SCFD1: variants seen among roughly 807,000 people sequenced by gnomAD.
SCFD1 encodes the protein sec1 family domain containing 1.
Under a neutral mutation model 103.2 loss-of-function variants are expected in SCFD1, and 37 were observed. The observed-to-expected ratio is 0.36, with a 90% CI of 0.28 to 0.47. The LOEUF (loss-of-function observed/expected upper bound fraction) is 0.47, where lower values mean the gene tolerates loss of function less well. Ranked by LOEUF, SCFD1 falls within the 20% of genes least tolerant of loss-of-function variation. The pLI is 1.00. For synonymous variants in SCFD1, 264 were observed against 245.0 expected, an observed-to-expected ratio of 1.08 and a Z score of -0.73; for missense variants, 639 against 761.2, an observed-to-expected ratio of 0.84 and a Z score of 1.89.
At chr14:30,654,583 A>C (rs1412785429) in intron 10 of SCFD1, among the ~76,000 whole-genome samples, 1 of 151,858 alleles carries the variant, frequency 6.6e-6, no homozygotes, top group Non-Finnish European at 1.5e-5. Context: ...CTGAGGCTTG[A>C]GAATTGCTTG....
At chr14:30,649,604 C>A in intron 8 of SCFD1, 21 bp downstream of exon 8, 1 of 1,543,750 alleles carries the variant, frequency 6.5e-7, no homozygotes, top group South Asian at 1.2e-5. Context: ...GCGGATATCA[C>A]GTGGAGATAA....
intron 14 of SCFD1, chr14:30,683,181 A>T: frequency 1.8e-6 from 2 of 1,101,552 alleles, no homozygotes; most frequent in Non-Finnish European, 2.7e-6. Context: ...TAGGCTGGAG[A>T]TGGAGAGTGT....
chr14:30,721,673 C>T (rs184074696), intron 21 of SCFD1: 3 of 537,018 alleles, frequency 5.6e-6, no homozygotes, highest in Non-Finnish European at 9.9e-6. Context: ...CTTTTAGACT[C>T]TGAGATATCT....
At chr14:30,632,823 GTAAC>G (rs1291881414) in intron 3 of SCFD1, among the ~76,000 whole-genome samples, 1 of 152,178 alleles carries the variant, frequency 6.6e-6, no homozygotes, top group African/African-American at 2.4e-5. Context: ...CTCAGTAACA[GTAAC>G]TAACAGAAGT....
chr14:30,712,307 A>G (rs1891938265), intron 19 of SCFD1, among the ~76,000 whole-genome samples: 1 of 152,166 alleles, frequency 6.6e-6, no homozygotes, highest in Non-Finnish European at 1.5e-5. Context: ...AGACAGTAGC[A>G]ATTCTTGTCC....
rs757273189 is a variant in SCFD1 at position 30,638,201 on chromosome 14, T to A, written c.389T>A (p.Ile130Asn). The A allele has an allele frequency of 6.2e-7, 1 of 1,612,980 alleles. No homozygotes were observed. The highest frequency in any genetic ancestry group is 8.5e-7 in the Non-Finnish European group (1 of 1,179,446). Residue 130 changes from isoleucine to asparagine, a missense_variant, in exon 5 of 25, where the codon ATT (isoleucine) becomes AAT (asparagine). By Grantham distance (149) the Ile-to-Asn change is moderately radical. Transcript: ENST00000458591. ...SAISRSKLED[I>N]ANAALAASAV... Reference sequence around the variant, plus strand: ...ATTTCAAGAAGTAAACTGGAAGATATTGCAAATGCAGCGTTAGCAGCTAGT... The same window carrying A: ...ATTTCAAGAAGTAAACTGGAAGATAATGCAAATGCAGCGTTAGCAGCTAGT...
chr14:30,721,763 G>GTGAA, intron 21 of SCFD1, 121 bp from the exon 22 acceptor site: 1 of 814,634 alleles, frequency 1.2e-6, no homozygotes, highest in African/African-American at 1.8e-5. Context: ...CTCTAAGAAG[G>GTGAA]TGAAGGAGGT....
intron 14 of SCFD1, among the ~76,000 whole-genome samples, chr14:30,693,311 TAAAAG>T (rs1256752982): frequency 6.6e-6 from 1 of 152,068 alleles, no homozygotes. Context: ...GAAGAAATAA[TAAAAG>T]AAAATACCTA....
chr14:30,637,325 A>G (rs1884828912), intron 4 of SCFD1, among the ~76,000 whole-genome samples: 2 of 152,052 alleles, frequency 1.3e-5, no homozygotes, highest in Non-Finnish European at 2.9e-5. Context: ...AGAGTGAAAA[A>G]CATGGTTCCC....
chr14:30,706,321 A>G (rs771281874), intron 18 of SCFD1, among the ~76,000 whole-genome samples: 12 of 152,192 alleles, frequency 7.9e-5, no homozygotes, highest in Non-Finnish European at 1.5e-4. Context: ...ATGAGTAAAC[A>G]CATACATACA....
chr14:30,707,450 A>G (rs1264955345), intron 18 of SCFD1, among the ~76,000 whole-genome samples: 1 of 152,188 alleles, frequency 6.6e-6, no homozygotes, highest in African/African-American at 2.4e-5. Context: ...TTTTTATGAT[A>G]GATTTTATGT....
intron 1 of SCFD1, among the ~76,000 whole-genome samples, chr14:30,627,840 C>A (rs1440411596): frequency 2.1e-5 from 3 of 145,888 alleles, no homozygotes. Flanking sequence ...ATCCTTCTCA[C>A]TAGACCACTC....
At chr14:30,690,552 C>A (rs577310428) in intron 14 of SCFD1, among the ~76,000 whole-genome samples, 1 of 133,682 alleles carries the variant, frequency 7.5e-6, no homozygotes, top group South Asian at 2.4e-4. Flanking sequence ...GCGCAATATT[C>A]GGGTGGAAGT....
chr14:30,684,655 T>A (rs1373300938), intron 14 of SCFD1, among the ~76,000 whole-genome samples: 1 of 151,694 alleles, frequency 6.6e-6, no homozygotes, highest in Admixed American at 6.6e-5. Context: ...GAGTTTATGT[T>A]CATTATATAT....
chr14:30,731,257 T>C (rs2139442885), intron 23 of SCFD1, among the ~76,000 whole-genome samples: 1 of 152,342 alleles, frequency 6.6e-6, no homozygotes, highest in Non-Finnish European at 1.5e-5. Context: ...ACTGTAGCCT[T>C]GTAGTATAGT....
intron 3 of SCFD1, among the ~76,000 whole-genome samples, chr14:30,633,524 AT>A (rs2139015075): frequency 6.6e-6 from 1 of 152,170 alleles, no homozygotes; most frequent in East Asian, 1.9e-4. Flanking sequence ...TGCTTCTAAA[AT>A]TTTTTTCATT....
At chr14:30,640,365 G>A (rs181590622) in intron 6 of SCFD1, among the ~76,000 whole-genome samples, 1 of 152,262 alleles carries the variant, frequency 6.6e-6, no homozygotes, top group Admixed American at 6.5e-5. Flanking sequence ...GTTCATGTGA[G>A]AGATTTTTGA....
intron 17 of SCFD1, among the ~76,000 whole-genome samples, chr14:30,705,266 A>G (rs567448118): frequency 6.6e-6 from 1 of 152,338 alleles, no homozygotes; most frequent in East Asian, 1.9e-4. Flanking sequence ...TGAAGAAGGT[A>G]GTGAATTTAT....
chr14:30,679,158 G>A (rs904654111), intron 14 of SCFD1, among the ~76,000 whole-genome samples: 4 of 151,896 alleles, frequency 2.6e-5, no homozygotes, highest in East Asian at 3.9e-4. Flanking sequence ...GTGGCCAGTA[G>A]CCACATTATT....
Sources: gnomAD v4.1 joint callset for allele counts (sites outside exome capture counted in the v4.1 genomes callset) on GRCh38, gnomAD v4.1.1 for gene constraint, MANE v1.5 for transcripts, NCBI Gene and HGNC (gene_info 2026-07-23, HGNC 2026-07-21) for gene names.